DNAJC19: variants seen among roughly 807,000 people sequenced by gnomAD.
The protein encoded by DNAJC19 is DnaJ heat shock protein family (Hsp40) member C19.
A neutral mutation model predicts 19.8 loss-of-function variants in DNAJC19; 15 were observed. The observed-to-expected ratio is 0.76, with a 90% CI of 0.51 to 1.17. The LOEUF (loss-of-function observed/expected upper bound fraction) is 1.17, where lower values mean the gene tolerates loss of function less well. DNAJC19 is among the 50% of genes most tolerant of loss of function. The probability of loss-of-function intolerance (pLI) is 0.00; values close to 1 mark genes in which losing one functional copy is unlikely to be tolerated. For missense variants in DNAJC19, 105 were observed against 140.9 expected, an observed-to-expected ratio of 0.75 and a Z score of 1.29; for synonymous variants, 38 against 42.1, an observed-to-expected ratio of 0.90 and a Z score of 0.38.
Position 180,984,607 on chromosome 3 carries a change from TAATACGAACTTAA to T in DNAJC19, c.*20_*32del, listed in dbSNP as rs1714798814. The T allele has an allele frequency of 6.7e-7, 1 of 1,492,766 alleles. No individual in the cohort carries two copies. The highest frequency in any genetic ancestry group is 9.2e-7 in the Non-Finnish European group (1 of 1,081,270). 92.5% of individuals were successfully genotyped at this position (1,492,766 alleles called of 1,614,324 possible). ...AAACTTAGTACTCATATACATAAAC[TAATACGAACTTAA>T]AATTCATCATACATTTACTTCATTT... On this transcript the variant is annotated 3_prime_UTR_variant, in exon 6 of 6. Coordinates refer to ENST00000382564, the MANE Select transcript of DNAJC19 (RefSeq NM_145261.4).
chr3:180,986,068 C>A, intron 4 of DNAJC19, 72 bp from the exon 5 acceptor site: 1 of 1,192,516 alleles, frequency 8.4e-7, no homozygotes, highest in Non-Finnish European at 1.2e-6. Flanking sequence ...ACATAAAGGC[C>A]AATTAAAGAC....
chr3:180,984,672 T>C lies in DNAJC19; in HGVS notation c.319A>G (p.Lys107Glu), dbSNP rs1309945993. ...TTAGCTTGACCTTCTAGTAAATCTT[T>C]AGCTTCATTGATTTTGGCTGCTATA... is the stretch of plus-strand genomic sequence containing the variant. ...PYIAAKINEA[K>E]DLLEGQAKK Residue 107 changes from lysine (K) to glutamate (E), a missense_variant, in exon 6 of 6, where the codon AAA becomes GAA. Coordinates refer to ENST00000382564, the MANE Select transcript of DNAJC19 (RefSeq NM_145261.4). The C allele has an allele frequency of 1.9e-6, 3 of 1,608,968 alleles. No homozygotes were observed. Among genetic ancestry groups the C allele is most frequent in the Non-Finnish European group, 2.5e-6 (3 of 1,176,556 alleles).
Position 180,988,224 on chromosome 3 carries a change from A to G in DNAJC19, c.9T>C (p.Ser3=), listed in dbSNP as rs764192526. 5 of 1,614,168 alleles carry G rather than the reference A, an allele frequency of 3.1e-6. No individual in the cohort carries two copies. The South Asian group carries it at 4.4e-5, about 14-fold the overall frequency. Reference sequence around the variant, plus strand: ...TGGTCAGTCCAACTGCTACCACTGTACTGGCCTGGTAAGGGGGAGAAGAGT... The same window carrying G: ...TGGTCAGTCCAACTGCTACCACTGTGCTGGCCTGGTAAGGGGGAGAAGAGT... The part of the protein sequence containing the change: MA[S]TVVAVGLTIA... Residue 3 remains serine (S), a synonymous_variant, in exon 2 of 6, where the codon AGT becomes AGC. Coordinates refer to ENST00000382564, the MANE Select transcript of DNAJC19 (RefSeq NM_145261.4).
intron 4 of DNAJC19, 88 bp from the exon 5 acceptor site, chr3:180,986,084 G>C (rs903613389): frequency 4.8e-6 from 5 of 1,040,440 alleles, no homozygotes; most frequent in African/African-American, 1.6e-5. Flanking sequence ...AAGACACTGT[G>C]AAACTGTAGT....
Position 180,984,374 on chromosome 3 carries a change from A to G in DNAJC19, c.*266T>C, listed in dbSNP as rs1432783958. 1 of 495,860 alleles carries G rather than the reference A, an allele frequency of 2.0e-6. No homozygotes were observed. Among genetic ancestry groups the G allele is most frequent in the East Asian group, 5.6e-5 (1 of 17,998 alleles). 30.7% of individuals were successfully genotyped at this position (495,860 alleles called of 1,614,324 possible). ...CTTCACTTTGCCTTGAAAAGTAGAC[A>G]TAGGTCCCAAATTATCTGCTAAATG... On this transcript the variant is annotated 3_prime_UTR_variant, in exon 6 of 6. Transcript: ENST00000382564.
chr3:180,984,722 A>C lies in DNAJC19; in HGVS notation c.281-12T>G. On this transcript the variant is annotated splice_polypyrimidine_tract_variant and intron_variant, in intron 5 of 5. Transcript: ENST00000382564. ...ATAAGGAGATCCTCCTATAGGAAGA[A>C]AGAAAAAAGAACAGTTACAATATGG... 6.3e-7 allele frequency: 1 copy of C among 1,579,562 alleles called. No homozygotes were observed. Among genetic ancestry groups the C allele is most frequent in the South Asian group, 1.1e-5 (1 of 88,216 alleles).
chr3:180,985,778 C>G, intron 5 of DNAJC19, 148 bp downstream of exon 5: 1 of 695,538 alleles, frequency 1.4e-6, no homozygotes, highest in Non-Finnish European at 2.5e-6. Context: ...TCTTTTAAGA[C>G]ACCAAAAATA....
chr3:180,988,353 C>CTT lies in DNAJC19; in HGVS notation c.4-126_4-125dup, dbSNP rs369840102. ...AATAGGAGAAACAACTTTTTTTTTT[C>CTT]TTTTTTTTTTTTTTTTTTTAAGAGA... On this transcript the variant is annotated intron_variant, in intron 1 of 5. Transcript: ENST00000382564. 1,007 of 649,040 alleles carry CTT rather than the reference C, an allele frequency of 1.6e-3. 2 individuals carry two copies. Among genetic ancestry groups the CTT allele is most frequent in the Non-Finnish European group, 1.8e-3 (730 of 405,338 alleles). 40.2% of individuals were successfully genotyped at this position (649,040 alleles called of 1,614,324 possible).
chr3:180,986,325 A>C (rs1393175800), intron 4 of DNAJC19, among the ~76,000 whole-genome samples: 1 of 147,794 alleles, frequency 6.8e-6, no homozygotes, highest in Non-Finnish European at 1.5e-5. Context: ...TCTGTCCCCT[A>C]GGCTGGAGTG....
At chr3:180,988,359 T>TTC in intron 1 of DNAJC19, 130 bp from the exon 2 acceptor site, 1 of 1,009,150 alleles carries the variant, frequency 9.9e-7, no homozygotes, top group Non-Finnish European at 1.4e-6. Flanking sequence ...TTTTCTTTTT[T>TTC]TTTTTTTTTT....
Sources: allele counts gnomAD v4.1 joint callset (sites outside exome capture counted in the v4.1 genomes callset), GRCh38; gene constraint gnomAD v4.1.1; transcripts MANE v1.5; gene names NCBI Gene and HGNC (gene_info 2026-07-23, HGNC 2026-07-21).